The following DNAJC13 variants were observed in gnomAD, a reference collection of about 807,000 sequenced individuals.
The protein encoded by DNAJC13 is DnaJ heat shock protein family (Hsp40) member C13, also known as dnaJ homolog subfamily C member 13.
DNAJC13 carries 75 observed loss-of-function variants against 290.5 expected under a neutral mutation model. The ratio of observed to expected loss-of-function variants is 0.26; its 90% CI spans 0.21 to 0.31. DNAJC13 has a LOEUF of 0.31. Ranked by LOEUF, DNAJC13 falls within the 10% of genes least tolerant of loss-of-function variation. DNAJC13 has a pLI of 1.00. For missense variants in DNAJC13, 2,260 were observed against 2,674.5 expected (o/e 0.85, Z 3.42); for synonymous variants, 862 against 892.0 (o/e 0.97, Z 0.60).
At chr3:132,506,045 CTTTTTTTTTT>C (rs573857472) in intron 42 of DNAJC13, among the ~76,000 whole-genome samples, 3,645 of 72,834 alleles carry the variant, frequency 0.05, 242 homozygotes, top group African/African-American at 0.15. Flanking sequence ...TGTACATTAT[CTTTTTTTTTT>C]TTTTTTTTTT....
chr3:132,459,020 A>AT (rs1331577673), intron 13 of DNAJC13, among the ~76,000 whole-genome samples: 1 of 151,600 alleles, frequency 6.6e-6, no homozygotes, highest in African/African-American at 2.4e-5. Flanking sequence ...ATAATGATTA[A>AT]TTTTTTTCTG....
intron 13 of DNAJC13, 148 bp from the exon 14 acceptor site, chr3:132,460,102 A>C: frequency 2.2e-6 from 1 of 454,258 alleles, no homozygotes; most frequent in Non-Finnish European, 3.9e-6. Flanking sequence ...CCTGCTTATC[A>C]CGAGTTTCCT....
chr3:132,505,239 A>G (rs1451854450), intron 41 of DNAJC13, 63 bp from the exon 42 acceptor site: 3 of 1,024,380 alleles, frequency 2.9e-6, no homozygotes, highest in East Asian at 2.4e-5. Flanking sequence ...GACATTTTTA[A>G]TAAGTGATAA....
intron 20 of DNAJC13, among the ~76,000 whole-genome samples, chr3:132,471,247 ACCC>A (rs1175238195): frequency 1.9e-5 from 2 of 104,776 alleles, no homozygotes; most frequent in Non-Finnish European, 3.9e-5. Flanking sequence ...CGGGGGGCTG[ACCC>A]CCCCACCTCC....
chr3:132,448,835 C>A (rs939855019), intron 5 of DNAJC13, among the ~76,000 whole-genome samples: 1 of 152,130 alleles, frequency 6.6e-6, no homozygotes, highest in Non-Finnish European at 1.5e-5. Context: ...TTAATGGCAA[C>A]TGGCGAGCTG....
chr3:132,460,394 C>G, intron 14 of DNAJC13, 37 bp downstream of exon 14: 1 of 1,382,742 alleles, frequency 7.2e-7, no homozygotes, highest in Non-Finnish European at 1.0e-6. Context: ...TGGTAGATAC[C>G]ATACCATTAT....
At chr3:132,436,650 G>A (rs908965073) in intron 2 of DNAJC13, among the ~76,000 whole-genome samples, 1 of 152,098 alleles carries the variant, frequency 6.6e-6, no homozygotes, top group Non-Finnish European at 1.5e-5. Context: ...CACCTTCAAT[G>A]TCTGAGTCCC....
chr3:132,452,916 A>T (rs1245752707), intron 6 of DNAJC13, among the ~76,000 whole-genome samples: 1 of 152,330 alleles, frequency 6.6e-6, no homozygotes, highest in East Asian at 1.9e-4. Flanking sequence ...TGTGTAAAAC[A>T]GATTAAATCA....
intron 55 of DNAJC13, among the ~76,000 whole-genome samples, chr3:132,533,801 ATG>A (rs1484911254): frequency 6.6e-5 from 10 of 152,236 alleles, no homozygotes; most frequent in African/African-American, 2.2e-4. Flanking sequence ...TAAAAAACAT[ATG>A]TCCTTGACTT....
At position 132,538,181 on chromosome 3, in the gene DNAJC13, G is replaced by A. The variant is rs1936654547; in HGVS notation, c.6631G>A (p.Gly2211Arg). Residue 2211 changes from glycine (G) to arginine (R), a missense_variant, in exon 56 of 56, where the codon GGA (glycine) becomes AGA (arginine). Gly to Arg is a moderately radical substitution (Grantham distance 125). Transcript: ENST00000260818. ...TTTACCTTTCTCTCTTGCAGGACCT[G>A]GAGTTGCTGGCTACCTTACCGCAGG... The part of the protein sequence containing the change: ...SQTAGYLTGP[G>R]VAGYLTAGTS... The A allele has an allele frequency of 1.9e-6, 3 of 1,613,472 alleles. No individual in the cohort carries two copies. The African/African-American group carries it at 4.0e-5, about 22-fold the overall frequency.
intron 15 of DNAJC13, among the ~76,000 whole-genome samples, chr3:132,461,852 G>A (rs1045696812): frequency 2.0e-5 from 3 of 151,890 alleles, no homozygotes; most frequent in African/African-American, 7.3e-5. Flanking sequence ...TACCAAACCC[G>A]GCTAATTTAT....
intron 55 of DNAJC13, among the ~76,000 whole-genome samples, chr3:132,532,028 C>G (rs1369558327): frequency 6.6e-6 from 1 of 152,118 alleles, no homozygotes; most frequent in Non-Finnish European, 1.5e-5. Context: ...AAGTCAGACT[C>G]TTGCTGAATG....
Position 132,538,468 on chromosome 3 carries a change from C to G in DNAJC13, c.*186C>G. ...AATTGTATCACATTATAAGAAAGCA[C>G]TCTGTGGATCAACATAAGTGGGTAC... On this transcript the variant is annotated 3_prime_UTR_variant, in exon 56 of 56. Coordinates refer to ENST00000260818, the MANE Select transcript of DNAJC13 (RefSeq NM_015268.4). 1 of 479,150 alleles carries G rather than the reference C, an allele frequency of 2.1e-6. No individual in the cohort carries two copies. The allele number at this position is 479,150 out of a possible 1,614,324, so 29.7% of individuals were successfully genotyped here. A position where few individuals can be genotyped will look rare whatever the true frequency, so the allele number is the denominator to read the frequency against.
At chr3:132,482,091 G>T in intron 26 of DNAJC13, 135 bp from the exon 27 acceptor site, 1 of 575,864 alleles carries the variant, frequency 1.7e-6, no homozygotes, top group Non-Finnish European at 2.9e-6. Context: ...CTTAAAATAA[G>T]GTCACTTAAA....
At chr3:132,502,179 A>G in intron 39 of DNAJC13, 110 bp from the exon 40 acceptor site, 2 of 906,578 alleles carry the variant, frequency 2.2e-6, no homozygotes, top group Non-Finnish European at 3.2e-6. Context: ...TAAACATTTT[A>G]CAAAATAACG....
intron 51 of DNAJC13, 134 bp from the exon 52 acceptor site, chr3:132,525,476 T>G (rs767005517): frequency 2.8e-5 from 23 of 812,208 alleles, no homozygotes; most frequent in Non-Finnish European, 4.4e-5. Flanking sequence ...TCTCTTAGGA[T>G]TAGTGAATCT....
rs1396838540 is a variant in DNAJC13 at position 132,474,946 on chromosome 3, A to G, written c.2306A>G (p.His769Arg). Residue 769 changes from histidine to arginine, a missense_variant, in exon 22 of 56, where the codon CAT (histidine) becomes CGT (arginine). Around this residue, in one of 3 missense-constraint regions of DNAJC13, gnomAD observed 762 missense variants for 964.1 expected, o/e 0.79. Coordinates refer to ENST00000260818, the MANE Select transcript of DNAJC13 (RefSeq NM_015268.4). ...TGTATGTCTAGGTTTGGTCAAGACC[A>G]TGCCAGGTCAAACCTTATTTGGAAT... ...DLFYYRFGQD[H>R]ARSNLIWNFK... The G allele has an allele frequency of 3.7e-6, 6 of 1,605,632 alleles. No individual in the cohort carries two copies. Among genetic ancestry groups the G allele is most frequent in the Middle Eastern group, 3.3e-4 (2 of 5,992 alleles).
chr3:132,530,946 C>G (rs1559916281), intron 54 of DNAJC13, 52 bp from the exon 55 acceptor site: 1 of 1,529,762 alleles, frequency 6.5e-7, no homozygotes, highest in Non-Finnish European at 9.0e-7. Context: ...TTTTTGTCTT[C>G]CAACATCCAG....
At chr3:132,454,921 A>G (rs1001426369) in intron 9 of DNAJC13, among the ~76,000 whole-genome samples, 9 of 152,202 alleles carry the variant, frequency 5.9e-5, no homozygotes, top group Admixed American at 5.2e-4. Flanking sequence ...CTTATTCCCA[A>G]TAACACTTAC....
Sources: allele counts gnomAD v4.1 joint callset (sites outside exome capture counted in the v4.1 genomes callset), GRCh38; gene constraint gnomAD v4.1.1; regional missense constraint gnomAD v4.1.1; transcripts MANE v1.5; gene names NCBI Gene and HGNC (gene_info 2026-07-23, HGNC 2026-07-21).